IL1RAPL2: variants seen among roughly 807,000 people sequenced by gnomAD.
IL1RAPL2 encodes the protein X-linked interleukin-1 receptor accessory protein-like 2.
In IL1RAPL2, 3 loss-of-function variants were observed where a neutral mutation model predicts 44.1. The ratio of observed to expected loss-of-function variants is 0.07; its 90% CI spans 0.03 to 0.18. The LOEUF (loss-of-function observed/expected upper bound fraction) is 0.18. IL1RAPL2 is among the 10% of genes least tolerant of loss of function. IL1RAPL2 has a pLI of 1.00. For missense variants in IL1RAPL2, 391 were observed against 496.4 expected (o/e 0.79, Z 2.02); for synonymous variants, 181 against 178.8 (o/e 1.01, Z -0.10).
intron 6 of IL1RAPL2, among the ~76,000 whole-genome samples, chrX:105,597,097 A>G (rs746568176): frequency 7.0e-4 from 78 of 112,161 alleles, no homozygotes; most frequent in Middle Eastern, 4.6e-3. Flanking sequence ...TCAAAAATAT[A>G]TTAGTAACTA....
chrX:105,395,882 C>G (rs1214879789), intron 5 of IL1RAPL2, among the ~76,000 whole-genome samples: 1 of 112,031 alleles, frequency 8.9e-6, no homozygotes, highest in Non-Finnish European at 1.9e-5. Context: ...AAGTTCAACA[C>G]CAGCTACTAA....
chrX:105,565,837 C>T (rs1393785765), intron 6 of IL1RAPL2, among the ~76,000 whole-genome samples: 4 of 111,760 alleles, frequency 3.6e-5, no homozygotes, highest in African/African-American at 1.3e-4. Context: ...CACCTGCTGT[C>T]AGCAAAGGAA....
intron 5 of IL1RAPL2, among the ~76,000 whole-genome samples, chrX:105,443,956 C>T (rs185020418): frequency 1.8e-5 from 2 of 112,268 alleles, no homozygotes; most frequent in Admixed American, 1.9e-4. Flanking sequence ...TACATTTCCA[C>T]CAACAGTGAA....
At chrX:105,406,184 C>T in intron 5 of IL1RAPL2, 1 of 1,156,335 alleles carries the variant, frequency 8.6e-7, no homozygotes, top group South Asian at 1.8e-5. Context: ...TCCCTGAATT[C>T]TAAGGAGCAC....
At chrX:105,541,445 C>T (rs1407687139) in intron 6 of IL1RAPL2, among the ~76,000 whole-genome samples, 1 of 111,223 alleles carries the variant, frequency 9.0e-6, no homozygotes, top group Admixed American at 9.6e-5. Flanking sequence ...TACAGATTGT[C>T]TTTGAAGAAA....
chrX:104,575,562 C>T (rs1281743256), intron 1 of IL1RAPL2, among the ~76,000 whole-genome samples: 1 of 111,401 alleles, frequency 9.0e-6, no homozygotes, highest in Non-Finnish European at 1.9e-5. Flanking sequence ...GATAAAGCCT[C>T]ATAAGATAGT....
chrX:105,588,604 A>G (rs1037481912), intron 6 of IL1RAPL2, among the ~76,000 whole-genome samples: 6 of 111,473 alleles, frequency 5.4e-5, no homozygotes, highest in Non-Finnish European at 1.1e-4. Flanking sequence ...TGTGTAGTCA[A>G]TGTTTACCTC....
intron 2 of IL1RAPL2, among the ~76,000 whole-genome samples, chrX:105,074,381 G>A (rs757911242): frequency 2.7e-5 from 3 of 111,222 alleles, no homozygotes; most frequent in Non-Finnish European, 5.7e-5. Flanking sequence ...TGAGGGCTCT[G>A]TTCTGTTCCA....
intron 1 of IL1RAPL2, among the ~76,000 whole-genome samples, chrX:104,603,585 A>G (rs1388282084): frequency 2.7e-5 from 3 of 111,947 alleles, no homozygotes; most frequent in Non-Finnish European, 5.6e-5. Context: ...GCTAACTAGA[A>G]TAACCAGTGT....
intron 2 of IL1RAPL2, among the ~76,000 whole-genome samples, chrX:104,914,781 G>T (rs975177625): frequency 9.1e-6 from 1 of 109,552 alleles, no homozygotes; most frequent in African/African-American, 3.3e-5. Context: ...TGTTCTCATC[G>T]TTCAATTCCC....
chrX:104,758,519 G>A (rs1184869095), intron 2 of IL1RAPL2, among the ~76,000 whole-genome samples: 3 of 111,082 alleles, frequency 2.7e-5, no homozygotes, highest in Admixed American at 9.6e-5. Context: ...AGAGAAAACC[G>A]TCAGTGTTTG....
chrX:105,561,629 A>C (rs1031920451), intron 6 of IL1RAPL2, among the ~76,000 whole-genome samples: 1 of 111,777 alleles, frequency 8.9e-6, no homozygotes, highest in East Asian at 2.8e-4. Flanking sequence ...AAGGTCATGC[A>C]TATAAAGCAT....
intron 2 of IL1RAPL2, among the ~76,000 whole-genome samples, chrX:104,932,209 G>T (rs948962765): frequency 9.2e-6 from 1 of 108,695 alleles, no homozygotes; most frequent in South Asian, 4.0e-4. Flanking sequence ...ATGTTGGCCA[G>T]GCTGGTCTCG....
chrX:105,563,842 G>A (rs1003152681), intron 6 of IL1RAPL2, among the ~76,000 whole-genome samples: 8 of 111,993 alleles, frequency 7.1e-5, no homozygotes, highest in African/African-American at 2.3e-4. Flanking sequence ...GGTTCAGAGG[G>A]CCAGAGGACT....
chrX:104,993,520 CAG>C (rs2030700259), intron 2 of IL1RAPL2, among the ~76,000 whole-genome samples: 1 of 111,481 alleles, frequency 9.0e-6, no homozygotes, highest in African/African-American at 3.3e-5. Context: ...CTATTAAGCT[CAG>C]AGTTTGGTTT....
intron 2 of IL1RAPL2, among the ~76,000 whole-genome samples, chrX:104,731,777 C>G (rs1394998188): frequency 1.8e-5 from 2 of 111,817 alleles, no homozygotes; most frequent in Admixed American, 1.9e-4. Context: ...TTATGTTAAA[C>G]AGACTTGATT....
chrX:105,074,333 T>C (rs1167655882), intron 2 of IL1RAPL2, among the ~76,000 whole-genome samples: 3 of 111,674 alleles, frequency 2.7e-5, no homozygotes, highest in Non-Finnish European at 5.6e-5. Context: ...GTCAGGTTTG[T>C]CAAAGATCAG....
chrX:105,012,598 T>TTCTCTCTCTCTCTCTCTCTCTC (rs1174323282), intron 2 of IL1RAPL2, among the ~76,000 whole-genome samples: 1 of 51,726 alleles, frequency 1.9e-5, no homozygotes, highest in Non-Finnish European at 3.2e-5. Context: ...AACTTTCTCT[T>TTCTCTCTCTCTCTCTCTCTCTC]TCTCTCTCTC....
intron 1 of IL1RAPL2, among the ~76,000 whole-genome samples, chrX:104,600,624 A>G (rs1438780566): frequency 1.8e-5 from 2 of 110,312 alleles, no homozygotes; most frequent in African/African-American, 3.3e-5. Context: ...CCTGTCACCA[A>G]GATACTGAGC....
Sources: gnomAD v4.1 joint callset for allele counts (sites outside exome capture counted in the v4.1 genomes callset) on GRCh38, gnomAD v4.1.1 for gene constraint, MANE v1.5 for transcripts, NCBI Gene and HGNC (gene_info 2026-07-23, HGNC 2026-07-21) for gene names.